The following KDM7A variants were observed in gnomAD, a reference collection of about 807,000 sequenced individuals.
KDM7A encodes the protein lysine demethylase 7A.
Under a neutral mutation model 114.8 loss-of-function variants are expected in KDM7A, and 28 were observed. The ratio of observed to expected loss-of-function variants is 0.24; its 90% confidence interval spans 0.18 to 0.33. The LOEUF is 0.33. KDM7A is among the 10% of genes least tolerant of loss of function. KDM7A has a pLI of 1.00. For synonymous variants in KDM7A, 423 were observed against 397.8 expected (o/e 1.06, Z -0.75); for missense variants, 942 against 1,142.5 (o/e 0.82, Z 2.53).
intron 9 of KDM7A, among the ~76,000 whole-genome samples, chr7:140,116,663 G>A (rs537156506): frequency 2.6e-5 from 4 of 152,208 alleles, no homozygotes; most frequent in East Asian, 3.9e-4. Context: ...TATGCAGTGC[G>A]TGTGTGATCT....
chr7:140,146,760 C>G (rs1164409978), intron 1 of KDM7A, among the ~76,000 whole-genome samples: 3 of 152,192 alleles, frequency 2.0e-5, no homozygotes, highest in Admixed American at 2.0e-4. Flanking sequence ...AACTTTAGCA[C>G]TTTCCATTGT....
chr7:140,093,055 T>C (rs974209201), intron 18 of KDM7A, among the ~76,000 whole-genome samples: 4 of 152,326 alleles, frequency 2.6e-5, no homozygotes, highest in East Asian at 3.9e-4. Flanking sequence ...TTAGAAAATA[T>C]AGACAAGCCA....
intron 1 of KDM7A, among the ~76,000 whole-genome samples, chr7:140,158,658 G>A (rs986852416): frequency 5.9e-5 from 9 of 152,144 alleles, no homozygotes; most frequent in Non-Finnish European, 1.2e-4. Context: ...ACAGGTGAGC[G>A]CTGGAAAAAC....
At chr7:140,142,524 ATAAG>A (rs1794295533) in intron 1 of KDM7A, among the ~76,000 whole-genome samples, 1 of 152,196 alleles carries the variant, frequency 6.6e-6, no homozygotes, top group South Asian at 2.1e-4. Context: ...GTACAACCTC[ATAAG>A]TAACTGGGGG....
At chr7:140,174,438 A>C (rs904688990) in intron 1 of KDM7A, among the ~76,000 whole-genome samples, 1 of 152,014 alleles carries the variant, frequency 6.6e-6, no homozygotes, top group Non-Finnish European at 1.5e-5. Context: ...TGTATTTCCT[A>C]TTTCCCTATT....
chr7:140,115,100 G>A (rs185625547), intron 9 of KDM7A, among the ~76,000 whole-genome samples: 1,544 of 150,328 alleles, frequency 0.01, 26 homozygotes, highest in African/African-American at 0.034. Context: ...GCCCCCGCCC[G>A]GCCAGCCACC....
intron 9 of KDM7A, 134 bp from the exon 10 acceptor site, chr7:140,113,716 G>A: frequency 6.4e-6 from 3 of 468,660 alleles, no homozygotes; most frequent in South Asian, 4.5e-5. Flanking sequence ...TATAAAAAGT[G>A]AAATATGAAA....
At chr7:140,121,662 A>G (rs1169310206) in intron 7 of KDM7A, among the ~76,000 whole-genome samples, 3 of 152,196 alleles carry the variant, frequency 2.0e-5, no homozygotes, top group African/African-American at 7.2e-5. Flanking sequence ...CAGGAGTACA[A>G]TATGTGAGAC....
At chr7:140,160,001 TCATCATTACCC>T (rs1406871962) in intron 1 of KDM7A, among the ~76,000 whole-genome samples, 1 of 148,016 alleles carries the variant, frequency 6.8e-6, no homozygotes, top group East Asian at 2.0e-4. Flanking sequence ...AGCCTATCAA[TCATCATTACCC>T]TTCTGACAAT....
Position 140,091,194 on chromosome 7 carries a change from A to G in KDM7A, c.2732-6T>C. 2 of 1,591,678 alleles carry G rather than the reference A, an allele frequency of 1.3e-6. No homozygotes were observed. Among genetic ancestry groups the G allele is most frequent in the Non-Finnish European group, 8.6e-7 (1 of 1,159,480 alleles). On this transcript the variant is annotated splice_region_variant and splice_polypyrimidine_tract_variant and intron_variant, in intron 19 of 19. Transcript: ENST00000397560. ...TCCTTTTTTTGGACGTTTACCTATAAAACACCAAAAGGGAGTGTAAGTAAT... is the reference window on the plus strand; with the variant it reads ...TCCTTTTTTTGGACGTTTACCTATAGAACACCAAAAGGGAGTGTAAGTAAT...
chr7:140,135,136 T>C (rs1818846594), intron 2 of KDM7A, among the ~76,000 whole-genome samples: 1 of 151,956 alleles, frequency 6.6e-6, no homozygotes, highest in African/African-American at 2.4e-5. Context: ...TTTTTCTCAT[T>C]TAAAATCACT....
Position 140,096,692 on chromosome 7 carries a change from T to C in KDM7A, c.2237A>G (p.Tyr746Cys), listed in dbSNP as rs184578055. Residue 746 changes from tyrosine (Y) to cysteine (C), a missense_variant, in exon 17 of 20, where the codon TAT (tyrosine) becomes TGT (cysteine). Around this residue, in one of 4 missense-constraint regions of KDM7A, gnomAD observed 512 missense variants for 576.6 expected, o/e 0.89. Transcript: ENST00000397560. The stretch of plus-strand genomic sequence containing the variant: ...TATTTGCCTTTGTAAACACGTGGAA[T>C]AGTGCAACCCTGCCATAGACAGCAT... The part of the protein sequence containing the change: ...QGMLSMAGLH[Y>C]STCLQRQIQS... 1.2e-5 allele frequency: 19 copies of C among 1,614,208 alleles called. No homozygotes were observed. Among genetic ancestry groups the C allele is most frequent in the Admixed American group, 3.3e-5 (2 of 60,024 alleles).
intron 1 of KDM7A, among the ~76,000 whole-genome samples, chr7:140,161,544 GT>G (rs914799440): frequency 1.5e-4 from 22 of 147,320 alleles, no homozygotes; most frequent in East Asian, 3.9e-4. Flanking sequence ...TCGTTTTTTT[GT>G]TTTTTTTTTC....
intron 1 of KDM7A, among the ~76,000 whole-genome samples, chr7:140,152,910 A>G (rs1794416955): frequency 6.6e-6 from 1 of 151,882 alleles, no homozygotes; most frequent in African/African-American, 2.4e-5. Context: ...ACCAGGCTGG[A>G]GTGCAATGGC....
chr7:140,128,591 A>G (rs970301213), intron 4 of KDM7A, among the ~76,000 whole-genome samples: 2 of 152,210 alleles, frequency 1.3e-5, no homozygotes, highest in African/African-American at 4.8e-5. Context: ...CCTTAGCCCC[A>G]TCCTCTCACT....
At chr7:140,111,290 A>C in intron 10 of KDM7A, 106 bp from the exon 11 acceptor site, 1 of 653,080 alleles carries the variant, frequency 1.5e-6, no homozygotes, top group Non-Finnish European at 2.6e-6. Flanking sequence ...TGTTACAGAC[A>C]TCGCCAAATA....
chr7:140,139,081 T>C, intron 2 of KDM7A, 24 bp downstream of exon 2: 5 of 1,498,324 alleles, frequency 3.3e-6, no homozygotes, highest in Non-Finnish European at 3.7e-6. Flanking sequence ...AATGTCCATT[T>C]TTATTTAAGC....
At chr7:140,130,204 T>C (rs1818763320) in intron 3 of KDM7A, among the ~76,000 whole-genome samples, 1 of 152,202 alleles carries the variant, frequency 6.6e-6, no homozygotes, top group Admixed American at 6.5e-5. Context: ...CATAAAATAA[T>C]AGGATGCTTA....
At chr7:140,099,174 C>A (rs1026018748) in intron 13 of KDM7A, 141 bp from the exon 14 acceptor site, 5 of 697,088 alleles carry the variant, frequency 7.2e-6, no homozygotes, top group South Asian at 2.0e-5. Context: ...CAATAGTATG[C>A]GCTAGGGATC....
Sources: gnomAD v4.1 joint callset for allele counts (sites outside exome capture counted in the v4.1 genomes callset) on GRCh38, gnomAD v4.1.1 for gene constraint, gnomAD v4.1.1 regional missense constraint, MANE v1.5 for transcripts, NCBI Gene and HGNC (gene_info 2026-07-23, HGNC 2026-07-21) for gene names.